Variants in SSUH2 observed in about 807,000 individuals in gnomAD.
The protein encoded by SSUH2 is protein SSUH2 homolog.
A neutral mutation model predicts 55.3 loss-of-function variants in SSUH2; 47 were observed. That is an observed-to-expected ratio of 0.85 (90% confidence interval 0.67 to 1.08). SSUH2 has a LOEUF of 1.08. SSUH2 is among the 50% of genes least tolerant of loss of function. The pLI, the probability that SSUH2 is intolerant of heterozygous loss-of-function variation, is 0.00. For missense variants in SSUH2, 535 were observed against 490.7 expected, an observed-to-expected ratio of 1.09 and a Z score of -0.85; for synonymous variants, 212 against 191.5, an observed-to-expected ratio of 1.11 and a Z score of -0.89.
At chr3:8,643,796 T>C (rs1198409405) in intron 1 of SSUH2, among the ~76,000 whole-genome samples, 1 of 152,238 alleles carries the variant, frequency 6.6e-6, no homozygotes, top group Non-Finnish European at 1.5e-5. Context: ...CCAAAAAGCA[T>C]GCTCAAAAAG....
Position 8,654,671 on chromosome 3 carries a change from C to T in SSUH2, c.-307+4254G>A, listed in dbSNP as rs1192079128. 6.6e-5 allele frequency among the ~76,000 whole-genome samples: 10 copies of T among 152,330 alleles called. No homozygotes were observed. The East Asian group carries it at 1.5e-3, about 23-fold the overall frequency. ...AATATCTCAATGTCTCAGTGGGTGT[C>T]CTCCCCAAGGTCTCAGTGTGCGGCC... On this transcript the variant is annotated intron_variant, in intron 7 of 18. Coordinates refer to the SSUH2 transcript ENST00000317371.
chr3:8,660,870 T>G (rs899497876), intron 6 of SSUH2, among the ~76,000 whole-genome samples: 1 of 152,228 alleles, frequency 6.6e-6, no homozygotes, highest in Non-Finnish European at 1.5e-5. Flanking sequence ...AATCCTCCTG[T>G]TCTCCGTATC....
In SSUH2 at chr3:8,620,020, G is replaced by A. The variant is rs1223617786; in HGVS notation, c.982-6C>T. 5 of 1,613,588 alleles carry A rather than the reference G, an allele frequency of 3.1e-6. No homozygotes were observed. The highest frequency in any genetic ancestry group is 4.2e-6 in the Non-Finnish European group (5 of 1,179,756). ...ATCAGCTCAATGGTCTGGCGCTGAG[G>A]AAACAAATAGCCAAGGAAAATGTCA... is the stretch of plus-strand genomic sequence containing the variant. On this transcript the variant is annotated splice_polypyrimidine_tract_variant and splice_region_variant and intron_variant, in intron 11 of 11. Transcript: ENST00000544814.
At chr3:8,651,605 C>T (rs990268035) in intron 7 of SSUH2, among the ~76,000 whole-genome samples, 2 of 152,138 alleles carry the variant, frequency 1.3e-5, no homozygotes, top group African/African-American at 4.8e-5. Flanking sequence ...TATTAAAGAG[C>T]TTTGATTCCT....
At chr3:8,656,398 G>A (rs1702936144) in intron 7 of SSUH2, among the ~76,000 whole-genome samples, 1 of 152,200 alleles carries the variant, frequency 6.6e-6, no homozygotes. Context: ...GGCCACCTCT[G>A]CCCTGTTTTG....
intron 2 of SSUH2, among the ~76,000 whole-genome samples, chr3:8,679,443 AGC>A (rs1277647869): frequency 1.5e-4 from 19 of 127,112 alleles, no homozygotes; most frequent in African/African-American, 2.9e-4. Context: ...CCCCCATCAC[AGC>A]GGGGGGAGGC....
At chr3:8,630,201 T>C (rs184703036) in intron 6 of SSUH2, among the ~76,000 whole-genome samples, 183 of 152,358 alleles carry the variant, frequency 1.2e-3, no homozygotes, top group African/African-American at 4.1e-3. Flanking sequence ...CCTCTCAAAG[T>C]ACTCTTTATC....
intron 7 of SSUH2, among the ~76,000 whole-genome samples, chr3:8,655,763 T>C (rs1005098282): frequency 1.3e-5 from 2 of 152,194 alleles, no homozygotes; most frequent in African/African-American, 4.8e-5. Context: ...ATCAGAAAAC[T>C]GATAACACAG....
At chr3:8,638,532 T>C (rs1157903292) in intron 1 of SSUH2, among the ~76,000 whole-genome samples, 1 of 152,174 alleles carries the variant, frequency 6.6e-6, no homozygotes, top group Non-Finnish European at 1.5e-5. Flanking sequence ...GTTAGAAACA[T>C]GGGTTCTGAC....
intron 1 of SSUH2, chr3:8,639,986 G>T: frequency 1.0e-6 from 1 of 985,454 alleles, no homozygotes; most frequent in Non-Finnish European, 1.2e-6. Flanking sequence ...AATGCCTCGT[G>T]ATTTGAATTA....
rs1026140495 is a variant in SSUH2 at position 8,659,686 on chromosome 3, A to G, written c.-395-673T>C. On this transcript the variant is annotated intron_variant, in intron 6 of 18. Coordinates refer to the SSUH2 transcript ENST00000317371. ...CAAACCCTCAATGGGCATGGGATCC[A>G]GTATTCATCCATCTACCATGCATCA... 6.8e-6 allele frequency: 3 copies of G among 439,696 alleles called. No homozygotes were observed. The Admixed American group carries it at 7.3e-5, about 11-fold the overall frequency. The allele number at this position is 439,696 out of a possible 1,614,324, so 27.2% of individuals were successfully genotyped here.
intron 5 of SSUH2, among the ~76,000 whole-genome samples, chr3:8,668,825 GA>G: frequency 6.6e-6 from 1 of 152,194 alleles, no homozygotes; most frequent in Non-Finnish European, 1.5e-5. Flanking sequence ...CGAAAAAAAA[GA>G]AACAGTTCCA....
chr3:8,655,492 G>C (rs1702844401), intron 7 of SSUH2, among the ~76,000 whole-genome samples: 1 of 148,598 alleles, frequency 6.7e-6, no homozygotes, highest in Non-Finnish European at 1.5e-5. Context: ...CAAGATCACA[G>C]TGGGTGGCCT....
chr3:8,634,048 CT>C, intron 3 of SSUH2: 2 of 1,188,376 alleles, frequency 1.7e-6, no homozygotes, highest in South Asian at 1.5e-5. Flanking sequence ...AGGAGAAAAG[CT>C]GATAGAATCC....
intron 1 of SSUH2, among the ~76,000 whole-genome samples, chr3:8,637,372 T>C (rs981146802): frequency 2.0e-5 from 3 of 152,178 alleles, no homozygotes; most frequent in African/African-American, 4.8e-5. Context: ...GGCCCTGAGA[T>C]GCCAAGGAGG....
chr3:8,678,722 CGTG>C (rs1705654010), intron 2 of SSUH2, among the ~76,000 whole-genome samples: 1 of 32,096 alleles, frequency 3.1e-5, no homozygotes, highest in African/African-American at 1.3e-4. Context: ...GGACCCCCAA[CGTG>C]GGGGGGGGAG....
chr3:8,626,334 C>T lies in SSUH2; in HGVS notation c.675-13G>A. ...GCAAGTGCTGCATCTGAGAAAGGCA[C>T]AGAGTCCGTACCCCCAGATCAGTTG... On this transcript the variant is annotated splice_polypyrimidine_tract_variant and intron_variant, in intron 8 of 11. Coordinates refer to ENST00000544814, the MANE Select transcript of SSUH2 (RefSeq NM_001256748.3). 1 of 1,610,758 alleles carries T rather than the reference C, an allele frequency of 6.2e-7. No individual in the cohort carries two copies. The highest frequency in any genetic ancestry group is 8.5e-7 in the Non-Finnish European group (1 of 1,176,962).
chr3:8,665,852 A>T (rs902669197), intron 5 of SSUH2, among the ~76,000 whole-genome samples: 1 of 152,184 alleles, frequency 6.6e-6, no homozygotes, highest in Non-Finnish European at 1.5e-5. Context: ...TCCTGGTCAA[A>T]GTGGCCATTA....
At chr3:8,667,994 G>A (rs994173398) in intron 5 of SSUH2, among the ~76,000 whole-genome samples, 1 of 151,992 alleles carries the variant, frequency 6.6e-6, no homozygotes, top group African/African-American at 2.4e-5. Context: ...TCCAGCCTGG[G>A]CAACATAACA....
Sources: gnomAD v4.1 joint callset for allele counts (sites outside exome capture counted in the v4.1 genomes callset) on GRCh38, gnomAD v4.1.1 for gene constraint, MANE v1.5 for transcripts, NCBI Gene and HGNC (gene_info 2026-07-23, HGNC 2026-07-21) for gene names.